The following HTR1F variants were observed in gnomAD, a reference collection of about 807,000 sequenced individuals.
The protein encoded by HTR1F is 5-hydroxytryptamine (serotonin) receptor 1F, G protein-coupled.
In HTR1F, 17 loss-of-function variants were observed where a neutral mutation model predicts 24.0. The ratio of observed to expected loss-of-function variants is 0.71; its 90% CI spans 0.48 to 1.06. HTR1F has a LOEUF of 1.06. Among genes scored for constraint, HTR1F ranks in the 50% least tolerant of loss-of-function variants. HTR1F has a pLI of 0.00. For missense variants in HTR1F, 391 were observed against 427.8 expected (o/e 0.91, Z 0.76); for synonymous variants, 186 against 156.8 (o/e 1.19, Z -1.39).
intron 2 of HTR1F, among the ~76,000 whole-genome samples, chr3:87,831,431 C>T (rs556557773): frequency 1.3e-5 from 2 of 151,218 alleles, no homozygotes; most frequent in South Asian, 2.1e-4. Context: ...GGCGCCATCT[C>T]GGCTCACCGC....
chr3:87,955,035 G>GT (rs1559647759), intron 2 of HTR1F, among the ~76,000 whole-genome samples: 1 of 151,134 alleles, frequency 6.6e-6, no homozygotes, highest in South Asian at 2.1e-4. Context: ...CATCTGTTTT[G>GT]TTTTTTGCCT....
At chr3:87,939,377 T>C (rs1704506021) in intron 2 of HTR1F, among the ~76,000 whole-genome samples, 1 of 152,262 alleles carries the variant, frequency 6.6e-6, no homozygotes, top group African/African-American at 2.4e-5. Context: ...ATCAGGACGA[T>C]GCTGGCCTCA....
chr3:87,916,304 AAAAAG>A (rs1397288271), intron 2 of HTR1F, among the ~76,000 whole-genome samples: 7 of 76,194 alleles, frequency 9.2e-5, no homozygotes, highest in African/African-American at 3.5e-4. Flanking sequence ...TTAAAAAGCA[AAAAAG>A]AAAAAAAAAA....
At chr3:87,797,860 C>G (rs1703930941) in intron 1 of HTR1F, among the ~76,000 whole-genome samples, 1 of 152,098 alleles carries the variant, frequency 6.6e-6, no homozygotes. Flanking sequence ...GAAGGCAAAG[C>G]TGATGGTGGG....
In HTR1F at chr3:87,992,376, T is replaced by A. The variant is rs1386861546; in HGVS notation, c.*526T>A. The stretch of plus-strand genomic sequence containing the variant: ...GGGAAGGAGCAACTCTTACTTAGTG[T>A]GACTGCAGAAAATGTAAAAAAGTCA... On this transcript the variant is annotated 3_prime_UTR_variant, in exon 3 of 3. Coordinates refer to ENST00000319595, the MANE Select transcript of HTR1F (RefSeq NM_001322209.2). 1 of 167,066 alleles carries A rather than the reference T, an allele frequency of 6.0e-6. No individual in the cohort carries two copies. Among genetic ancestry groups the A allele is most frequent in the Non-Finnish European group, 1.5e-5 (1 of 68,116 alleles). The allele number at this position is 167,066 out of a possible 1,614,324, so 10.3% of individuals were successfully genotyped here. A position where few individuals can be genotyped will look rare whatever the true frequency, so the allele number is the denominator to read the frequency against.
intron 2 of HTR1F, among the ~76,000 whole-genome samples, chr3:87,871,185 A>G (rs1705547597): frequency 6.6e-6 from 1 of 152,032 alleles, no homozygotes; most frequent in South Asian, 2.1e-4. Flanking sequence ...TAATGCACAA[A>G]ATGAGAATAT....
intron 2 of HTR1F, among the ~76,000 whole-genome samples, chr3:87,866,480 C>G (rs1455214629): frequency 1.3e-5 from 2 of 152,110 alleles, no homozygotes; most frequent in Non-Finnish European, 2.9e-5. Flanking sequence ...TAAAATATGT[C>G]TTTATCTGTA....
intron 2 of HTR1F, among the ~76,000 whole-genome samples, chr3:87,985,527 A>G (rs1705644659): frequency 6.6e-6 from 1 of 152,234 alleles, no homozygotes; most frequent in East Asian, 1.9e-4. Context: ...ATCTATGAAA[A>G]GAAAGACAAT....
intron 1 of HTR1F, among the ~76,000 whole-genome samples, 36 bp from the exon 2 acceptor site, chr3:87,821,972 C>T (rs762602526): frequency 1.3e-5 from 2 of 151,918 alleles, no homozygotes; most frequent in Non-Finnish European, 2.9e-5. Flanking sequence ...GGAGAAGAGA[C>T]AAGAAATGAT....
intron 2 of HTR1F, among the ~76,000 whole-genome samples, chr3:87,963,111 T>C (rs1705096205): frequency 6.6e-6 from 1 of 152,098 alleles, no homozygotes; most frequent in African/African-American, 2.4e-5. Flanking sequence ...ATTAATGGTC[T>C]TGGGCAAGGG....
At chr3:87,843,889 G>A (rs1470825186) in intron 2 of HTR1F, among the ~76,000 whole-genome samples, 1 of 151,614 alleles carries the variant, frequency 6.6e-6, no homozygotes, top group Non-Finnish European at 1.5e-5. Flanking sequence ...AGTATTCCAT[G>A]GTGTATATGC....
At chr3:87,935,517 AG>A (rs1209774224) in intron 2 of HTR1F, among the ~76,000 whole-genome samples, 1 of 151,726 alleles carries the variant, frequency 6.6e-6, no homozygotes, top group Non-Finnish European at 1.5e-5. Flanking sequence ...AAAAAAAAAA[AG>A]GTCTTCCGCT....
rs1387389684 is a variant in HTR1F, at chr3:87,792,725, C to G, written c.-277C>G. Among the ~76,000 whole-genome samples, 3 of 152,214 alleles carry G rather than the reference C, an allele frequency of 2.0e-5. No homozygotes were observed. The highest frequency in any genetic ancestry group is 1.9e-4 in the East Asian group (1 of 5,162). On this transcript the variant is annotated 5_prime_UTR_variant, in exon 1 of 3. Transcript: ENST00000319595. ...CAGCGCGCAGTCAGCGTCGCGGCCC[C>G]GAAAGCTGGCGACAGGCGCTGCTGT...
At chr3:87,971,011 C>CGA (rs1345814817) in intron 2 of HTR1F, among the ~76,000 whole-genome samples, 1 of 152,182 alleles carries the variant, frequency 6.6e-6, no homozygotes, top group Non-Finnish European at 1.5e-5. Flanking sequence ...TTCATGATCC[C>CGA]TGCCTCCTCC....
chr3:87,856,893 T>A (rs1457034088), intron 2 of HTR1F, among the ~76,000 whole-genome samples: 1 of 152,122 alleles, frequency 6.6e-6, no homozygotes, highest in African/African-American at 2.4e-5. Flanking sequence ...AATGTGAACC[T>A]TCTGAAGATC....
chr3:87,955,112 G>A (rs1301187959), intron 2 of HTR1F, among the ~76,000 whole-genome samples: 2 of 151,172 alleles, frequency 1.3e-5, no homozygotes, highest in African/African-American at 2.4e-5. Context: ...AAAATTCTAC[G>A]AATTTTAATA....
At chr3:87,990,173 C>A (rs1242999907) in intron 2 of HTR1F, among the ~76,000 whole-genome samples, 1 of 152,088 alleles carries the variant, frequency 6.6e-6, no homozygotes, top group Non-Finnish European at 1.5e-5. Flanking sequence ...CTAAATGGAT[C>A]CTGTTAAGAA....
chr3:87,819,237 A>G (rs1704307673), intron 1 of HTR1F, among the ~76,000 whole-genome samples: 1 of 152,120 alleles, frequency 6.6e-6, no homozygotes, highest in African/African-American at 2.4e-5. Context: ...AATTTTACCA[A>G]TTGTCACTAT....
intron 1 of HTR1F, among the ~76,000 whole-genome samples, chr3:87,819,768 TA>T (rs769499775): frequency 3.9e-5 from 6 of 151,996 alleles, no homozygotes; most frequent in Admixed American, 2.0e-4. Context: ...TATTAGCTAA[TA>T]GGGGCAAAAA....
Sources: gnomAD v4.1 joint callset for allele counts (sites outside exome capture counted in the v4.1 genomes callset) on GRCh38, gnomAD v4.1.1 for gene constraint, MANE v1.5 for transcripts, NCBI Gene and HGNC (gene_info 2026-07-23, HGNC 2026-07-21) for gene names.